Variants in SLIT3 observed in about 807,000 individuals in gnomAD.
The protein encoded by SLIT3 is slit guidance ligand 3.
In SLIT3, 68 loss-of-function variants were observed where a neutral mutation model predicts 184.0. That is an observed-to-expected ratio of 0.37 (90% confidence interval 0.30 to 0.45). The LOEUF is 0.45. SLIT3 is among the 20% of genes least tolerant of loss of function. The pLI is 1.00. For synonymous variants in SLIT3, 831 were observed against 828.6 expected, an observed-to-expected ratio of 1.00 and a Z score of -0.05; for missense variants, 1,707 against 2,026.0, an observed-to-expected ratio of 0.84 and a Z score of 3.02.
At chr5:168,939,299 A>G (rs1378374363) in intron 4 of SLIT3, among the ~76,000 whole-genome samples, 1 of 152,202 alleles carries the variant, frequency 6.6e-6, no homozygotes, top group Non-Finnish European at 1.5e-5. Context: ...CCTCTGAATC[A>G]CTACATTATA....
At chr5:169,289,910 G>A (rs908863390) in intron 1 of SLIT3, among the ~76,000 whole-genome samples, 1 of 151,968 alleles carries the variant, frequency 6.6e-6, no homozygotes, top group African/African-American at 2.4e-5. Context: ...CATATGCTAG[G>A]GCACATACTA....
chr5:169,129,855 T>C (rs1453812121), intron 4 of SLIT3, among the ~76,000 whole-genome samples: 1 of 151,994 alleles, frequency 6.6e-6, no homozygotes, highest in Non-Finnish European at 1.5e-5. Flanking sequence ...TGTTTGTTTG[T>C]TTGTTTTTCC....
At chr5:169,175,789 T>C (rs1346050095) in intron 4 of SLIT3, among the ~76,000 whole-genome samples, 1 of 152,182 alleles carries the variant, frequency 6.6e-6, no homozygotes, top group Non-Finnish European at 1.5e-5. Context: ...CTTCGCCTGT[T>C]TCTGAAGCTC....
chr5:168,712,142 A>G (rs931388083), intron 24 of SLIT3, 141 bp downstream of exon 24: 1 of 712,060 alleles, frequency 1.4e-6, no homozygotes, highest in Non-Finnish European at 2.5e-6. Flanking sequence ...CAATATGCAT[A>G]GTGTGGATAC....
chr5:168,793,943 C>T (rs760250722), intron 10 of SLIT3, among the ~76,000 whole-genome samples: 52 of 152,174 alleles, frequency 3.4e-4, no homozygotes, highest in African/African-American at 4.3e-4. Flanking sequence ...GTACGTGCTT[C>T]GAGCTGCCTC....
chr5:169,141,241 T>C (rs1761725119), intron 4 of SLIT3, among the ~76,000 whole-genome samples: 1 of 152,230 alleles, frequency 6.6e-6, no homozygotes, highest in East Asian at 1.9e-4. Context: ...AAAGACATAC[T>C]GACTACGACA....
At chr5:168,978,439 C>T (rs2113348038) in intron 4 of SLIT3, among the ~76,000 whole-genome samples, 1 of 152,292 alleles carries the variant, frequency 6.6e-6, no homozygotes, top group Admixed American at 6.5e-5. Flanking sequence ...TTGGGCTTTC[C>T]TTTCTTTTCT....
chr5:168,873,574 A>G (rs563244729), intron 5 of SLIT3, among the ~76,000 whole-genome samples: 1 of 152,186 alleles, frequency 6.6e-6, no homozygotes, highest in South Asian at 2.1e-4. Flanking sequence ...AGGCTGCAGT[A>G]AGCCAAGGTC....
intron 5 of SLIT3, among the ~76,000 whole-genome samples, chr5:168,872,621 TTTTC>T (rs1243786366): frequency 6.9e-6 from 1 of 144,700 alleles, no homozygotes; most frequent in Non-Finnish European, 1.5e-5. Flanking sequence ...TACTTTCTTC[TTTTC>T]TTCTTCTTCT....
At chr5:169,297,427 A>G (rs542243507) in intron 1 of SLIT3, among the ~76,000 whole-genome samples, 9 of 152,192 alleles carry the variant, frequency 5.9e-5, no homozygotes, top group South Asian at 2.1e-4. Context: ...CCTTAATGTC[A>G]TAACACAAGG....
At chr5:169,026,508 C>T (rs1756828711) in intron 4 of SLIT3, 2 of 152,168 alleles carry the variant, frequency 1.3e-5, no homozygotes, top group South Asian at 4.1e-4. Context: ...CACAATGGAA[C>T]ACCGTGCAGG....
chr5:169,155,916 C>T (rs914032256), intron 4 of SLIT3, among the ~76,000 whole-genome samples: 1 of 152,230 alleles, frequency 6.6e-6, no homozygotes. Context: ...CTCTTCAGGA[C>T]ACCAGTCCAG....
chr5:168,840,835 A>C (rs977818974), intron 6 of SLIT3, among the ~76,000 whole-genome samples: 1 of 152,208 alleles, frequency 6.6e-6, no homozygotes, highest in Admixed American at 6.5e-5. Flanking sequence ...AGAGCCCCCA[A>C]ACTGTGGAGT....
chr5:168,697,414 T>A (rs779083005), intron 27 of SLIT3, among the ~76,000 whole-genome samples: 1 of 152,200 alleles, frequency 6.6e-6, no homozygotes, highest in Non-Finnish European at 1.5e-5. Flanking sequence ...ATAAAGGCCA[T>A]GCGGAAGGGA....
chr5:169,040,672 G>T (rs1305592926), intron 4 of SLIT3, among the ~76,000 whole-genome samples: 5 of 152,144 alleles, frequency 3.3e-5, no homozygotes, highest in Non-Finnish European at 7.3e-5. Flanking sequence ...TTCCCCTATG[G>T]AACTGTCTTA....
At chr5:168,963,640 T>TA (rs1416538007) in intron 4 of SLIT3, among the ~76,000 whole-genome samples, 6 of 152,228 alleles carry the variant, frequency 3.9e-5, no homozygotes, top group Non-Finnish European at 7.3e-5. Flanking sequence ...GGGCAGAGAC[T>TA]AAGCCTTGCT....
intron 4 of SLIT3, among the ~76,000 whole-genome samples, chr5:169,170,725 T>G (rs1381422150): frequency 1.3e-5 from 2 of 151,864 alleles, no homozygotes; most frequent in Non-Finnish European, 2.9e-5. Context: ...TTAAATATAG[T>G]CAGCTCATTT....
At chr5:169,241,352 A>T (rs139747048) in intron 3 of SLIT3, among the ~76,000 whole-genome samples, 306 of 152,270 alleles carry the variant, frequency 2.0e-3, no homozygotes, top group Non-Finnish European at 3.6e-3. Flanking sequence ...GGTATATGTA[A>T]AGTGCCTGAC....
At chr5:169,106,101 G>C (rs747728632) in intron 4 of SLIT3, among the ~76,000 whole-genome samples, 17 of 152,084 alleles carry the variant, frequency 1.1e-4, no homozygotes, top group Admixed American at 9.2e-4. Flanking sequence ...TGAATGCCTG[G>C]CTTAATACCT....
Sources: allele counts gnomAD v4.1 joint callset (sites outside exome capture counted in the v4.1 genomes callset), GRCh38; gene constraint gnomAD v4.1.1; transcripts MANE v1.5; gene names NCBI Gene and HGNC (gene_info 2026-07-23, HGNC 2026-07-21).